The following ERG variants were observed in gnomAD, a reference collection of about 807,000 sequenced individuals.
The protein encoded by ERG is ETS transcription factor ERG.
Under a neutral mutation model 55.3 loss-of-function variants are expected in ERG, and 9 were observed. The observed-to-expected ratio is 0.16, with a 90% confidence interval of 0.10 to 0.28. The LOEUF is 0.28. ERG is among the 10% of genes least tolerant of loss of function. The probability of loss-of-function intolerance (pLI) is 1.00; values close to 1 mark genes in which losing one functional copy is unlikely to be tolerated. For synonymous variants in ERG, 223 were observed against 237.3 expected (o/e 0.94, Z 0.55); for missense variants, 434 against 631.6 (o/e 0.69, Z 3.35).
intron 1 of ERG, among the ~76,000 whole-genome samples, chr21:38,593,250 G>C (rs2060112003): frequency 6.6e-6 from 1 of 152,216 alleles, no homozygotes; most frequent in Admixed American, 6.5e-5. Flanking sequence ...GACAGCATTT[G>C]AAAGGCGGAT....
At chr21:38,529,923 G>C (rs1308504159) in intron 2 of ERG, among the ~76,000 whole-genome samples, 1 of 152,024 alleles carries the variant, frequency 6.6e-6, no homozygotes, top group Non-Finnish European at 1.5e-5. Context: ...CCGAGATCAC[G>C]CCATTGCACT....
At chr21:38,510,525 A>C (rs1227531068) in intron 2 of ERG, among the ~76,000 whole-genome samples, 4 of 152,206 alleles carry the variant, frequency 2.6e-5, no homozygotes, top group African/African-American at 7.2e-5. Flanking sequence ...TGTAAATTGG[A>C]GTTGAAAATA....
intron 2 of ERG, among the ~76,000 whole-genome samples, chr21:38,428,925 G>A (rs897013654): frequency 2.6e-5 from 4 of 152,050 alleles, no homozygotes. Context: ...GGGAACAGGT[G>A]GTGTCTGGTT....
intron 2 of ERG, among the ~76,000 whole-genome samples, chr21:38,528,699 C>T (rs2059650177): frequency 2.5e-5 from 1 of 40,194 alleles, no homozygotes; most frequent in African/African-American, 6.2e-5. Flanking sequence ...CCACCCGCCT[C>T]GGCCTCCCAA....
chr21:38,503,404 C>T (rs1381321164), upstream of ERG, among the ~76,000 whole-genome samples: 4 of 149,340 alleles, frequency 2.7e-5, no homozygotes, highest in South Asian at 4.2e-4. Flanking sequence ...AACCCAGAAA[C>T]GCTCAAGAGT....
intron 1 of ERG, among the ~76,000 whole-genome samples, chr21:38,649,569 A>T (rs893710900): frequency 2.6e-5 from 4 of 152,234 alleles, no homozygotes; most frequent in African/African-American, 9.6e-5. Context: ...CAAGTGAATT[A>T]TTTAAGAAGC....
intron 1 of ERG, among the ~76,000 whole-genome samples, chr21:38,474,374 C>T (rs1482368206): frequency 6.6e-6 from 1 of 152,146 alleles, no homozygotes; most frequent in African/African-American, 2.4e-5. Flanking sequence ...ATGTTGAGTG[C>T]CTTTGTGACA....
chr21:38,540,999 A>T (rs1019295675), intron 2 of ERG, among the ~76,000 whole-genome samples: 1 of 152,114 alleles, frequency 6.6e-6, no homozygotes, highest in East Asian at 1.9e-4. Context: ...GTGGCTGGGG[A>T]GGCACTGGGG....
intron 1 of ERG, among the ~76,000 whole-genome samples, chr21:38,607,883 A>T (rs2060205359): frequency 6.7e-6 from 1 of 148,408 alleles, no homozygotes; most frequent in South Asian, 2.1e-4. Context: ...TCGTTTGGAA[A>T]GTGGGTAGAA....
intron 2 of ERG, among the ~76,000 whole-genome samples, chr21:38,424,140 C>T (rs143054466): frequency 1.3e-5 from 2 of 150,866 alleles, no homozygotes; most frequent in Non-Finnish European, 2.9e-5. Flanking sequence ...TAGAGTCCCA[C>T]GATGGGATTA....
chr21:38,419,897 C>G (rs894548900), intron 3 of ERG, among the ~76,000 whole-genome samples: 1 of 152,160 alleles, frequency 6.6e-6, no homozygotes, highest in African/African-American at 2.4e-5. Context: ...CCCCCCAGCT[C>G]CTCTGTGGTT....
At chr21:38,444,427 C>T (rs978497095) in intron 2 of ERG, among the ~76,000 whole-genome samples, 3 of 152,072 alleles carry the variant, frequency 2.0e-5, no homozygotes, top group African/African-American at 7.2e-5. Flanking sequence ...GTAAAGTTTC[C>T]GAAAATGTGA....
At chr21:38,437,653 T>C (rs2058803231) in intron 2 of ERG, among the ~76,000 whole-genome samples, 1 of 152,206 alleles carries the variant, frequency 6.6e-6, no homozygotes, top group African/African-American at 2.4e-5. Flanking sequence ...AGTTATGGTT[T>C]GTCCGTACCT....
intron 1 of ERG, among the ~76,000 whole-genome samples, chr21:38,597,343 T>G (rs966219438): frequency 9.9e-5 from 15 of 152,188 alleles, no homozygotes; most frequent in Non-Finnish European, 1.8e-4. Context: ...TACATAGATA[T>G]CTCATTTTAT....
chr21:38,597,775 A>G lies in ERG; in HGVS notation c.-149-12830T>C, dbSNP rs187058330. Reference sequence around the variant, plus strand: ...CCAGACAGCACATCACAGAGCCCACACCAACTGGGCAAATTGAATGTGCAC... The same window carrying G: ...CCAGACAGCACATCACAGAGCCCACGCCAACTGGGCAAATTGAATGTGCAC... On this transcript the variant is annotated intron_variant, in intron 1 of 10. Transcript: ENST00000398910. Among the ~76,000 whole-genome samples the G allele has an allele frequency of 1.6e-3, 242 of 152,320 alleles. 1 individual carries two copies. Among genetic ancestry groups the G allele is most frequent in the African/African-American group, 4.5e-3 (187 of 41,566 alleles).
At position 38,383,069 on chromosome 21, in the gene ERG, A is replaced by G; in HGVS notation, c.*334T>C. 1 of 1,106,476 alleles carries G rather than the reference A, an allele frequency of 9.0e-7. No individual in the cohort carries two copies. The highest frequency in any genetic ancestry group is 1.1e-6 in the Non-Finnish European group (1 of 907,744). 68.5% of individuals were successfully genotyped at this position (1,106,476 alleles called of 1,614,324 possible). A position where few individuals can be genotyped will look rare whatever the true frequency, so the allele number is the denominator to read the frequency against. On this transcript the variant is annotated 3_prime_UTR_variant, in exon 10 of 10. Coordinates refer to ENST00000288319, the MANE Select transcript of ERG (RefSeq NM_182918.4). The surrounding 1 kb of genome is among the most constrained non-coding windows in gnomAD (Gnocchi z 5.7). Reference sequence around the variant, plus strand: ...TCCCAGTTTGCATTAGTGGGATTCCAAACTCTACTCTAAAGTTTATACATT... The same window carrying G: ...TCCCAGTTTGCATTAGTGGGATTCCGAACTCTACTCTAAAGTTTATACATT...
At chr21:38,555,873 C>T (rs1270270627) in intron 2 of ERG, among the ~76,000 whole-genome samples, 1 of 152,096 alleles carries the variant, frequency 6.6e-6, no homozygotes, top group African/African-American at 2.4e-5. Flanking sequence ...TGGTAAAAGT[C>T]TTCAGAAAGG....
intron 1 of ERG, among the ~76,000 whole-genome samples, chr21:38,459,432 T>A (rs2059020507): frequency 6.6e-6 from 1 of 152,254 alleles, no homozygotes; most frequent in African/African-American, 2.4e-5. Flanking sequence ...TCCAGAACAA[T>A]CTGAGGGCAT....
upstream of ERG, among the ~76,000 whole-genome samples, chr21:38,587,003 G>A (rs1039350097): frequency 3.3e-5 from 5 of 152,162 alleles, no homozygotes; most frequent in Non-Finnish European, 7.3e-5. Context: ...AACAAACCTG[G>A]AGAACTTTAT....
Sources: allele counts gnomAD v4.1 joint callset (sites outside exome capture counted in the v4.1 genomes callset), GRCh38; gene constraint gnomAD v4.1.1; non-coding constraint Gnocchi (gnomAD v3.1); transcripts MANE v1.5; gene names NCBI Gene and HGNC (gene_info 2026-07-23, HGNC 2026-07-21).